The following PDE4D variants were observed in gnomAD, a reference collection of about 807,000 sequenced individuals.
PDE4D encodes 3',5'-cyclic-AMP phosphodiesterase 4D.
Under a neutral mutation model 87.4 loss-of-function variants are expected in PDE4D, and 24 were observed. The ratio of observed to expected loss-of-function variants is 0.27; its 90% confidence interval spans 0.20 to 0.39. The LOEUF is 0.39. PDE4D is among the 10% of genes least tolerant of loss of function. PDE4D has a pLI of 1.00. For missense variants in PDE4D, 714 were observed against 1,041.0 expected (o/e 0.69, Z 4.32); for synonymous variants, 384 against 383.2 (o/e 1.00, Z -0.02).
intron 6 of PDE4D, among the ~76,000 whole-genome samples, chr5:59,029,485 ACT>A: frequency 6.6e-6 from 1 of 151,918 alleles, no homozygotes; most frequent in Admixed American, 6.6e-5. Flanking sequence ...TACACTGGAA[ACT>A]ACAAGACATT....
At chr5:59,891,973 C>CAGT (rs1751022365) in intron 1 of PDE4D, among the ~76,000 whole-genome samples, 1 of 152,164 alleles carries the variant, frequency 6.6e-6, no homozygotes, top group Non-Finnish European at 1.5e-5. Context: ...CTTGGAGGTG[C>CAGT]AGTACATCGA....
At chr5:59,806,359 C>T (rs1767732331) in intron 1 of PDE4D, among the ~76,000 whole-genome samples, 2 of 152,188 alleles carry the variant, frequency 1.3e-5, no homozygotes, top group Admixed American at 1.3e-4. Context: ...CTAGACATAC[C>T]CTGAGCCTTT....
At chr5:59,164,274 T>C (rs1371594361) in intron 5 of PDE4D, among the ~76,000 whole-genome samples, 1 of 152,238 alleles carries the variant, frequency 6.6e-6, no homozygotes, top group Non-Finnish European at 1.5e-5. Context: ...GAAATTCAGT[T>C]GTTTTCTTTA....
At chr5:59,418,526 T>C (rs919681292) in intron 1 of PDE4D, among the ~76,000 whole-genome samples, 2 of 152,208 alleles carry the variant, frequency 1.3e-5, no homozygotes, top group Admixed American at 1.3e-4. Context: ...AAATTCTCCC[T>C]TCTCAGAGCT....
intron 1 of PDE4D, among the ~76,000 whole-genome samples, chr5:59,348,170 A>C (rs896979146): frequency 1.3e-5 from 2 of 152,148 alleles, no homozygotes; most frequent in East Asian, 1.9e-4. Flanking sequence ...ATTACATAAA[A>C]ATTTTTAACT....
chr5:60,461,747 C>T (rs1746962281), intron 1 of PDE4D, among the ~76,000 whole-genome samples: 3 of 152,182 alleles, frequency 2.0e-5, no homozygotes, highest in African/African-American at 7.2e-5. Flanking sequence ...GGTGCCTTCC[C>T]TTTGGTTGAC....
intron 1 of PDE4D, among the ~76,000 whole-genome samples, chr5:59,504,180 G>A (rs1188287668): frequency 1.3e-5 from 2 of 152,152 alleles, no homozygotes; most frequent in Non-Finnish European, 2.9e-5. Flanking sequence ...GAGATACAGA[G>A]TAATATAGGG....
intron 1 of PDE4D, chr5:60,188,399 C>T (rs1367443098): frequency 6.6e-6 from 1 of 152,146 alleles, no homozygotes; most frequent in Non-Finnish European, 1.5e-5. Flanking sequence ...GGAAGTTGCT[C>T]TCTGGGACAC....
chr5:60,125,108 C>T (rs1055649772), intron 2 of PDE4D, among the ~76,000 whole-genome samples: 1 of 151,996 alleles, frequency 6.6e-6, no homozygotes, highest in African/African-American at 2.4e-5. Flanking sequence ...ATCATCAATA[C>T]CCAAATTAGA....
At chr5:60,107,029 A>G (rs1412494752) in intron 2 of PDE4D, among the ~76,000 whole-genome samples, 2 of 152,138 alleles carry the variant, frequency 1.3e-5, no homozygotes, top group Non-Finnish European at 2.9e-5. Context: ...TGAAGGAAAT[A>G]GAGACACAAA....
chr5:59,893,123 A>T, intron 1 of PDE4D, 45 bp downstream of exon 1: 1 of 1,500,640 alleles, frequency 6.7e-7, no homozygotes. Flanking sequence ...AGAAAAGGGG[A>T]GGTGACCCTT....
intron 1 of PDE4D, among the ~76,000 whole-genome samples, chr5:59,621,169 T>C (rs1244944009): frequency 6.6e-6 from 1 of 152,222 alleles, no homozygotes; most frequent in Non-Finnish European, 1.5e-5. Context: ...TTCAGGTGGC[T>C]GTCTTAGATT....
chr5:59,288,833 G>C (rs1262990642), intron 1 of PDE4D, among the ~76,000 whole-genome samples: 1 of 152,078 alleles, frequency 6.6e-6, no homozygotes, highest in East Asian at 1.9e-4. Context: ...TCTCAGGCTA[G>C]TATATCCTGT....
intron 1 of PDE4D, among the ~76,000 whole-genome samples, chr5:60,207,014 G>T (rs1341757502): frequency 6.6e-6 from 1 of 152,146 alleles, no homozygotes; most frequent in African/African-American, 2.4e-5. Context: ...TGTAGGCTAG[G>T]GACATGAAAA....
chr5:59,430,857 A>T (rs2153631618), intron 1 of PDE4D, among the ~76,000 whole-genome samples: 1 of 152,304 alleles, frequency 6.6e-6, no homozygotes, highest in Non-Finnish European at 1.5e-5. Context: ...CATATCTGAT[A>T]GGAAGGAAAT....
intron 2 of PDE4D, among the ~76,000 whole-genome samples, chr5:59,199,383 G>A (rs535327239): frequency 5.3e-5 from 8 of 151,766 alleles, no homozygotes; most frequent in African/African-American, 7.3e-5. Context: ...GTGCACCACC[G>A]CGCTGGCCGA....
At chr5:59,440,794 T>G (rs1051242164) in intron 1 of PDE4D, among the ~76,000 whole-genome samples, 2 of 152,038 alleles carry the variant, frequency 1.3e-5, no homozygotes, top group Non-Finnish European at 2.9e-5. Flanking sequence ...AAAATTTTCA[T>G]GTAACAGATC....
intron 1 of PDE4D, among the ~76,000 whole-genome samples, chr5:59,707,975 G>C (rs939218765): frequency 6.6e-6 from 1 of 152,110 alleles, no homozygotes; most frequent in African/African-American, 2.4e-5. Flanking sequence ...TATATACTCA[G>C]TAATGTGATT....
intron 1 of PDE4D, among the ~76,000 whole-genome samples, chr5:59,218,223 T>C (rs1581436535): frequency 1.3e-5 from 2 of 152,308 alleles, no homozygotes; most frequent in Admixed American, 1.3e-4. Flanking sequence ...AAGATATTCT[T>C]ATTGCTACAC....
Sources: gnomAD v4.1 joint callset for allele counts (sites outside exome capture counted in the v4.1 genomes callset) on GRCh38, gnomAD v4.1.1 for gene constraint, MANE v1.5 for transcripts, NCBI Gene and HGNC (gene_info 2026-07-23, HGNC 2026-07-21) for gene names.